Variants in TXLNB observed in about 807,000 individuals in gnomAD.
TXLNB encodes the protein beta-taxilin.
TXLNB carries 37 observed loss-of-function variants against 57.4 expected under a neutral mutation model. The ratio of observed to expected loss-of-function variants is 0.64; its 90% CI spans 0.50 to 0.85. The LOEUF (loss-of-function observed/expected upper bound fraction) is 0.85. Among genes scored for constraint, TXLNB ranks in the 40% least tolerant of loss-of-function variants. TXLNB has a pLI of 0.00. For synonymous variants in TXLNB, 302 were observed against 309.6 expected (o/e 0.98, Z 0.26); for missense variants, 848 against 825.6 (o/e 1.03, Z -0.33).
At chr6:139,194,225 G>A in the TXLNB span, among the ~76,000 whole-genome samples, 1 of 152,180 alleles carries the variant, frequency 6.6e-6, no homozygotes, top group African/African-American at 2.4e-5. Context: ...ACAGGCGTGA[G>A]CCACCGCACC....
At chr6:139,195,582 C>T in the TXLNB span, among the ~76,000 whole-genome samples, 10 of 152,148 alleles carry the variant, frequency 6.6e-5, no homozygotes, top group African/African-American at 2.2e-4. Flanking sequence ...ACCAGAAAAA[C>T]CGTGACAGAT....
chr6:139,285,506 A>G (rs1350941598), intron 2 of TXLNB, among the ~76,000 whole-genome samples: 1 of 144,390 alleles, frequency 6.9e-6, no homozygotes, highest in Non-Finnish European at 1.5e-5. Context: ...CAATTTTATT[A>G]TGTTTTTCCA....
chr6:139,255,478 G>A (rs1174172539), intron 7 of TXLNB, 86 bp downstream of exon 7: 1 of 1,041,724 alleles, frequency 9.6e-7, no homozygotes, highest in Admixed American at 1.8e-5. Context: ...CACATAGGAG[G>A]ACTTCTGCTG....
chr6:139,203,520 A>G, the TXLNB span: 1 of 152,162 alleles, frequency 6.6e-6, no homozygotes, highest in Non-Finnish European at 1.5e-5. Flanking sequence ...TTCTTGAAAC[A>G]CTTTCTTCCC....
chr6:139,294,988 C>CA (rs533337037), upstream of TXLNB, among the ~76,000 whole-genome samples: 353 of 134,732 alleles, frequency 2.6e-3, no homozygotes, highest in Admixed American at 4.4e-3. Flanking sequence ...GACTCTGTCT[C>CA]AAAAAAAAAA....
chr6:139,187,440 C>T, the TXLNB span, among the ~76,000 whole-genome samples: 3 of 151,392 alleles, frequency 2.0e-5, no homozygotes, highest in African/African-American at 7.3e-5. Flanking sequence ...GCTTTTTTTT[C>T]CCCATGTTTA....
At position 139,250,111 on chromosome 6, in the gene TXLNB, C is replaced by T. The variant is rs555463322; in HGVS notation, c.1078-2202G>A. 2.0e-5 allele frequency among the ~76,000 whole-genome samples: 3 copies of T among 151,096 alleles called. No individual in the cohort carries two copies. The East Asian group carries it at 5.9e-4, about 29-fold the overall frequency. ...CTCACTGCAGCCTCAACCTCCTGGG[C>T]TTAAGGGATCCTCCTGCATCAGCCT... On this transcript the variant is annotated intron_variant, in intron 7 of 9. Transcript: ENST00000358430.
the TXLNB span, among the ~76,000 whole-genome samples, chr6:139,182,837 TTG>T: frequency 6.6e-6 from 1 of 152,364 alleles, no homozygotes; most frequent in African/African-American, 2.4e-5. Context: ...ATAAAGCAGT[TTG>T]TCTCATGAAG....
chr6:139,307,704 C>G, the TXLNB span, among the ~76,000 whole-genome samples: 99 of 152,090 alleles, frequency 6.5e-4, no homozygotes, highest in African/African-American at 2.3e-3. Flanking sequence ...TCTATTCATT[C>G]TTGTTCAACA....
the TXLNB span, among the ~76,000 whole-genome samples, chr6:139,308,345 T>C: frequency 6.6e-6 from 1 of 152,154 alleles, no homozygotes; most frequent in African/African-American, 2.4e-5. Flanking sequence ...CATCACTATA[T>C]TGGAAGGACT....
At chr6:139,166,747 G>A in the TXLNB span, 2 of 1,613,684 alleles carry the variant, frequency 1.2e-6, no homozygotes, top group Non-Finnish European at 1.7e-6. Context: ...GGCATTCCAT[G>A]GACCGGCAGA....
the TXLNB span, among the ~76,000 whole-genome samples, chr6:139,211,376 G>T: frequency 0.021 from 3,241 of 152,304 alleles, 121 homozygotes; most frequent in African/African-American, 0.074. Flanking sequence ...ACAGGGTCTG[G>T]AGTGGACTTC....
At chr6:139,297,584 A>G in the TXLNB span, among the ~76,000 whole-genome samples, 215 of 152,302 alleles carry the variant, frequency 1.4e-3, no homozygotes, top group African/African-American at 4.3e-3. Flanking sequence ...CTTCCACGTG[A>G]ATTCCAGATC....
the TXLNB span, among the ~76,000 whole-genome samples, chr6:139,185,927 C>G: frequency 6.6e-6 from 1 of 152,104 alleles, no homozygotes; most frequent in Non-Finnish European, 1.5e-5. Flanking sequence ...TCTTAACCAT[C>G]AGGATATAGT....
chr6:139,204,482 G>A, the TXLNB span, among the ~76,000 whole-genome samples: 14 of 152,184 alleles, frequency 9.2e-5, no homozygotes, highest in Admixed American at 7.2e-4. Context: ...AGGCCTTTGG[G>A]GAAGGCAGCC....
the TXLNB span, among the ~76,000 whole-genome samples, chr6:139,313,078 T>C: frequency 5.1e-4 from 72 of 140,096 alleles, no homozygotes; most frequent in African/African-American, 2.0e-3. Context: ...TCTTTCTCTC[T>C]TTTTTTTTTT....
chr6:139,165,251 T>A, the TXLNB span, among the ~76,000 whole-genome samples: 4 of 152,282 alleles, frequency 2.6e-5, no homozygotes, highest in South Asian at 4.1e-4. Flanking sequence ...TTTCTCATTT[T>A]AAAAAAACAG....
chr6:139,318,079 C>T, the TXLNB span, among the ~76,000 whole-genome samples: 1 of 151,678 alleles, frequency 6.6e-6, no homozygotes, highest in Non-Finnish European at 1.5e-5. Context: ...ACCATCCTGG[C>T]TAACACAGTG....
upstream of TXLNB, among the ~76,000 whole-genome samples, chr6:139,293,358 G>A (rs969411666): frequency 2.2e-4 from 34 of 152,174 alleles, no homozygotes; most frequent in African/African-American, 8.2e-4. Context: ...CCAAAGTGCT[G>A]GGATTATAAG....
Sources: gnomAD v4.1 joint callset for allele counts (sites outside exome capture counted in the v4.1 genomes callset) on GRCh38, gnomAD v4.1.1 for gene constraint, MANE v1.5 for transcripts, NCBI Gene and HGNC (gene_info 2026-07-23, HGNC 2026-07-21) for gene names.